The following ZNF205 variants were observed in gnomAD, a reference collection of about 807,000 sequenced individuals.
ZNF205 encodes zinc finger protein 205, also known as transcriptional repressor RHIT.
Under a neutral mutation model 53.6 loss-of-function variants are expected in ZNF205, and 32 were observed. That is an observed-to-expected ratio of 0.60 (90% confidence interval 0.45 to 0.80). The LOEUF is 0.80. ZNF205 is among the 30% of genes least tolerant of loss of function. The pLI is 0.00. For synonymous variants in ZNF205, 382 were observed against 334.3 expected (o/e 1.14, Z -1.56); for missense variants, 836 against 782.4 (o/e 1.07, Z -0.82).
chr16:3,119,414 G>A lies in ZNF205; in HGVS notation c.754G>A (p.Gly252Arg), dbSNP rs750975766. Reference protein sequence around the residue: ...GRSSGPAKDSGQPAEPDRTPD... With the variant: ...GRSSGPAKDSRQPAEPDRTPD... Reference sequence around the variant, plus strand: ...GAGCTCAGGGCCGGCCAAAGACTCCGGGCAGCCGGCTGAGCCAGATCGCAC... The same window carrying A: ...GAGCTCAGGGCCGGCCAAAGACTCCAGGCAGCCGGCTGAGCCAGATCGCAC... The change falls in exon 7 of 7, where the codon GGG becomes AGG. Residue 252 changes from glycine (G) to arginine (R), a missense_variant. Gly to Arg is a moderately radical substitution (Grantham distance 125, BLOSUM62 -2). Coordinates refer to ENST00000219091, the MANE Select transcript of ZNF205 (RefSeq NM_001042428.2). 6.2e-6 allele frequency: 10 copies of A among 1,606,482 alleles called. No individual in the cohort carries two copies. Among genetic ancestry groups the A allele is most frequent in the East Asian group, 2.2e-5 (1 of 44,552 alleles).
rs1281056656 is a variant in ZNF205 at position 3,119,476 on chromosome 16, G to A, written c.816G>A (p.Glu272=). The stretch of plus-strand genomic sequence containing the variant: ...CTCCGCCAGACCCCAGTCCCACGGA[G>A]CCCCAGGAGTACCGCGTCCCGGAGA... ...DAAPPDPSPT[E]PQEYRVPEKP... is the part of the protein sequence containing the mutation. The change falls in exon 7 of 7, where the codon GAG becomes GAA. Residue 272 remains glutamate, a synonymous_variant. Transcript: ENST00000219091. 1 of 1,590,344 alleles carries A rather than the reference G, an allele frequency of 6.3e-7. No homozygotes were observed. The highest frequency in any genetic ancestry group is 8.6e-7 in the Non-Finnish European group (1 of 1,169,434).
At chr16:3,113,528 G>C (rs1486671211) in intron 2 of ZNF205, 41 bp downstream of exon 2, 1 of 1,606,814 alleles carries the variant, frequency 6.2e-7, no homozygotes, top group Non-Finnish European at 8.5e-7. Flanking sequence ...CGGTAGAAGA[G>C]GCTGGTGCGG....
intron 2 of ZNF205, chr16:3,114,875 G>A (rs1365568742): frequency 1.3e-5 from 2 of 152,370 alleles, no homozygotes; most frequent in African/African-American, 4.8e-5. Context: ...GTGTCTCTGT[G>A]TCCTCTCCTA....
chr16:3,115,676 C>T lies in ZNF205; in HGVS notation c.271+108C>T, dbSNP rs543781933. The T allele has an allele frequency of 2.7e-4, 374 of 1,392,818 alleles. 2 individuals carry two copies. In the African/African-American group the frequency reaches 4.8e-3, roughly 18 times the overall value. The allele number at this position is 1,392,818 out of a possible 1,614,324, so 86.3% of individuals were successfully genotyped here. ...TGAGGGTCTCTATGCCAGCAGGGGA[C>T]GCTATCCCCCCATGGCCCACAGCCC... On this transcript the variant is annotated intron_variant, in intron 3 of 6. Coordinates refer to ENST00000219091, the MANE Select transcript of ZNF205 (RefSeq NM_001042428.2).
Position 3,115,501 on chromosome 16 carries a change from A to T in ZNF205, c.204A>T (p.Gln68His). Residue 68 changes from glutamine to histidine, a missense_variant, in exon 3 of 7, where the codon CAA becomes CAT. Physicochemically the swap from Gln to His is conservative, Grantham distance 24 (BLOSUM62 0). Coordinates refer to ENST00000219091, the MANE Select transcript of ZNF205 (RefSeq NM_001042428.2). ...GGGCATCGCAGGAGGATGGGGCTCA[A>T]GGTGCCTGGGGCTGGGCACCCCTAA... is the stretch of plus-strand genomic sequence containing the variant. ...SEGASQEDGA[Q>H]GAWGWAPLSH... 1 of 1,605,836 alleles carries T rather than the reference A, an allele frequency of 6.2e-7. No homozygotes were observed. Among genetic ancestry groups the T allele is most frequent in the Non-Finnish European group, 8.5e-7 (1 of 1,176,842 alleles).
chr16:3,115,027 T>G, intron 2 of ZNF205: 1 of 216,726 alleles, frequency 4.6e-6, no homozygotes, highest in Non-Finnish European at 9.1e-6. Context: ...AGGACACGGA[T>G]TCTTAGAGGA....
chr16:3,116,559 C>T lies in ZNF205; in HGVS notation c.484+12C>T. The T allele has an allele frequency of 1.2e-6, 2 of 1,612,374 alleles. No individual in the cohort carries two copies. The highest frequency in any genetic ancestry group is 8.5e-7 in the Non-Finnish European group (1 of 1,179,176). On this transcript the variant is annotated intron_variant, in intron 5 of 6. Coordinates refer to ENST00000219091, the MANE Select transcript of ZNF205 (RefSeq NM_001042428.2). ...TGGGCTGTCACTGGGTAAGCACTCG[C>T]CTGGAGGGGGGACTGGGGTGTTAGG... is the stretch of plus-strand genomic sequence containing the variant.
chr16:3,115,688 A>G lies in ZNF205; in HGVS notation c.271+120A>G, dbSNP rs939873295. ...TGCCAGCAGGGGACGCTATCCCCCC[A>G]TGGCCCACAGCCCCCTGGCAGCGTC... On this transcript the variant is annotated intron_variant, in intron 3 of 6. Transcript: ENST00000219091. 1.9e-5 allele frequency: 26 copies of G among 1,384,868 alleles called. No individual in the cohort carries two copies. In the African/African-American group the frequency reaches 3.1e-4, roughly 16 times the overall value. 85.8% of individuals were successfully genotyped at this position (1,384,868 alleles called of 1,614,324 possible). A position where few individuals can be genotyped will look rare whatever the true frequency, so the allele number is the denominator to read the frequency against.
rs1434173831 is a variant in ZNF205 at position 3,112,689 on chromosome 16, A to T, written c.-15+7A>T. The T allele has an allele frequency of 1.0e-5, 3 of 300,210 alleles. No homozygotes were observed. Among genetic ancestry groups the T allele is most frequent in the Non-Finnish European group, 2.0e-5 (3 of 149,422 alleles). 18.6% of individuals were successfully genotyped at this position (300,210 alleles called of 1,614,324 possible). The stretch of plus-strand genomic sequence containing the variant: ...CCCCTCTGCCTCCACCCCGGTGAGA[A>T]GGGGGTGCTGGGGAGGGCATCTGGA... On this transcript the variant is annotated splice_region_variant and intron_variant, in intron 1 of 6. Coordinates refer to ENST00000219091, the MANE Select transcript of ZNF205 (RefSeq NM_001042428.2).
intron 2 of ZNF205, among the ~76,000 whole-genome samples, chr16:3,114,136 G>T (rs1042293133): frequency 3.3e-5 from 5 of 152,178 alleles, no homozygotes; most frequent in African/African-American, 1.2e-4. Context: ...GAAGCACAAA[G>T]AATTGTTAGC....
chr16:3,115,346 C>T lies in ZNF205; in HGVS notation c.58-9C>T. Reference sequence around the variant, plus strand: ...CTCATCTGGGTGCTGATGGGGCTGTCCTTTCTAGGTTCCAGATCGTGGACA... The same window carrying T: ...CTCATCTGGGTGCTGATGGGGCTGTTCTTTCTAGGTTCCAGATCGTGGACA... On this transcript the variant is annotated splice_polypyrimidine_tract_variant and intron_variant, in intron 2 of 6. Transcript: ENST00000219091. 4 of 1,578,782 alleles carry T rather than the reference C, an allele frequency of 2.5e-6. No homozygotes were observed. Among genetic ancestry groups the T allele is most frequent in the Non-Finnish European group, 2.6e-6 (3 of 1,163,152 alleles).
chr16:3,119,390 A>G lies in ZNF205; in HGVS notation c.730A>G (p.Ser244Gly), dbSNP rs1477017828. ...QCAQEAACGR[S>G]SGPAKDSGQP... ...CGCGCAGGAAGCAGCCTGCGGCCGG[A>G]GCTCAGGGCCGGCCAAAGACTCCGG... Residue 244 changes from serine (S) to glycine (G), a missense_variant, in exon 7 of 7, where the codon AGC (serine) becomes GGC (glycine). By Grantham distance (56) the Ser-to-Gly change is moderately conservative. Transcript: ENST00000219091. 6.2e-7 allele frequency: 1 copy of G among 1,611,198 alleles called. No individual in the cohort carries two copies. The highest frequency in any genetic ancestry group is 2.2e-5 in the East Asian group (1 of 44,832).
At chr16:3,116,113 A>G (rs1338872816) in intron 4 of ZNF205, 193 bp downstream of exon 4, 22 of 707,770 alleles carry the variant, frequency 3.1e-5, no homozygotes, top group Non-Finnish European at 4.6e-6. Flanking sequence ...GAGAAGCAGC[A>G]GGAATTAGAG....
At chr16:3,118,390 C>T (rs1467048131) in intron 5 of ZNF205, among the ~76,000 whole-genome samples, 1 of 152,194 alleles carries the variant, frequency 6.6e-6, no homozygotes, top group Admixed American at 6.5e-5. Context: ...CGGCAGGCCT[C>T]GCAGATGCCT....
intron 2 of ZNF205, 113 bp downstream of exon 2, chr16:3,113,600 G>A (rs1957300365): frequency 1.7e-6 from 2 of 1,187,020 alleles, no homozygotes; most frequent in Admixed American, 2.5e-5. Context: ...GGGGTGGGGA[G>A]ATCAAAGAGA....
At chr16:3,118,753 CCGACCCAGGG>C in intron 5 of ZNF205, 142 bp from the exon 6 acceptor site, 1 of 781,408 alleles carries the variant, frequency 1.3e-6, no homozygotes, top group Non-Finnish European at 2.0e-6. Flanking sequence ...GGGCGGACCC[CCGACCCAGGG>C]GGCCTTCTTG....
At position 3,116,073 on chromosome 16, in the gene ZNF205, C is replaced by A. The variant is rs190090536; in HGVS notation, c.363+153C>A. 7.3e-5 allele frequency: 67 copies of A among 912,838 alleles called. No individual in the cohort carries two copies. The Admixed American group carries it at 1.6e-3, about 22-fold the overall frequency. The allele number at this position is 912,838 out of a possible 1,614,324, so 56.5% of individuals were successfully genotyped here. A position where few individuals can be genotyped will look rare whatever the true frequency, so the allele number is the denominator to read the frequency against. ...TTGCTGGAATTGTCCAGGCTCAAGG[C>A]CCATGGTCAGGCCTGGGCCAAAGCT... On this transcript the variant is annotated intron_variant, in intron 4 of 6. Transcript: ENST00000219091.
At chr16:3,114,727 C>T (rs911171570) in intron 2 of ZNF205, 1 of 152,218 alleles carries the variant, frequency 6.6e-6, no homozygotes, top group African/African-American at 2.4e-5. Flanking sequence ...GGCCTGCAGT[C>T]CAAAATCTAG....
intron 1 of ZNF205, among the ~76,000 whole-genome samples, chr16:3,113,136 C>T (rs74005587): frequency 0.019 from 2,835 of 152,268 alleles, 93 homozygotes; most frequent in African/African-American, 0.065. Flanking sequence ...CACTGAGATG[C>T]GAGGCTCTTG....
Sources: gnomAD v4.1 joint callset for allele counts (sites outside exome capture counted in the v4.1 genomes callset) on GRCh38, gnomAD v4.1.1 for gene constraint, MANE v1.5 for transcripts, NCBI Gene and HGNC (gene_info 2026-07-23, HGNC 2026-07-21) for gene names.